The following KHDRBS2 variants were observed in gnomAD, a reference collection of about 807,000 sequenced individuals.
The protein encoded by KHDRBS2 is KH RNA binding domain containing, signal transduction associated 2, also known as KH domain-containing, RNA-binding, signal transduction-associated protein 2.
In KHDRBS2, 26 loss-of-function variants were observed where a neutral mutation model predicts 44.3. The ratio of observed to expected loss-of-function variants is 0.59; its 90% CI spans 0.43 to 0.81. The LOEUF (loss-of-function observed/expected upper bound fraction) is 0.81, where lower values mean the gene tolerates loss of function less well. Ranked by LOEUF, KHDRBS2 falls within the 40% of genes least tolerant of loss-of-function variation. The probability of loss-of-function intolerance (pLI) is 0.00; values close to 1 mark genes in which losing one functional copy is unlikely to be tolerated. For synonymous variants in KHDRBS2, 194 were observed against 151.1 expected (o/e 1.28, Z -2.08); for missense variants, 476 against 433.1 (o/e 1.10, Z -0.88).
chr6:61,852,048 C>T (rs1454934252), intron 6 of KHDRBS2, among the ~76,000 whole-genome samples: 4 of 151,870 alleles, frequency 2.6e-5, no homozygotes, highest in African/African-American at 4.8e-5. Context: ...ATGGTGAAAC[C>T]GCATCTCTAC....
intron 2 of KHDRBS2, among the ~76,000 whole-genome samples, chr6:62,147,845 A>G (rs1224986231): frequency 3.3e-5 from 5 of 151,974 alleles, no homozygotes; most frequent in African/African-American, 1.2e-4. Context: ...TGAGAAGATC[A>G]GATAGCCTAT....
At chr6:62,085,434 T>C (rs1382628980) in intron 2 of KHDRBS2, among the ~76,000 whole-genome samples, 3 of 151,822 alleles carry the variant, frequency 2.0e-5, no homozygotes, top group African/African-American at 7.3e-5. Flanking sequence ...CTGAGAAGAA[T>C]AGGAAAGATT....
intron 6 of KHDRBS2, among the ~76,000 whole-genome samples, chr6:61,853,096 T>C: frequency 6.6e-6 from 1 of 152,188 alleles, no homozygotes; most frequent in East Asian, 1.9e-4. Flanking sequence ...GATTCTTTTG[T>C]CTTTGGCCTT....
At chr6:61,688,860 C>T (rs1046680067) in intron 8 of KHDRBS2, among the ~76,000 whole-genome samples, 7 of 151,816 alleles carry the variant, frequency 4.6e-5, no homozygotes, top group African/African-American at 1.7e-4. Context: ...CCTAAAATTT[C>T]CCAAGTGATT....
intron 1 of KHDRBS2, among the ~76,000 whole-genome samples, chr6:62,199,239 G>A (rs1019900039): frequency 6.6e-6 from 1 of 152,072 alleles, no homozygotes; most frequent in African/African-American, 2.4e-5. Flanking sequence ...TCTGGCCAGG[G>A]CAATCAGGCA....
In KHDRBS2 at chr6:62,251,143, A is replaced by G. The variant is rs142385867; in HGVS notation, c.91+34715T>C. Among the ~76,000 whole-genome samples the G allele has an allele frequency of 2.5e-3, 385 of 152,060 alleles. 3 individuals are homozygous for G. The highest frequency in any genetic ancestry group is 8.5e-3 in the African/African-American group (352 of 41,542). On this transcript the variant is annotated intron_variant, in intron 1 of 8. Transcript: ENST00000281156. ...CAAAGAATCATGATGTATATAACTT[A>G]TAAGTTATATTGAATATCTTGAATA...
intron 1 of KHDRBS2, among the ~76,000 whole-genome samples, chr6:62,182,295 C>T (rs1194671986): frequency 4.0e-5 from 6 of 151,812 alleles, no homozygotes; most frequent in Non-Finnish European, 8.8e-5. Context: ...ATGGTGATGA[C>T]GGGGACTGAG....
chr6:61,626,910 C>T, the KHDRBS2 span, among the ~76,000 whole-genome samples: 2 of 151,948 alleles, frequency 1.3e-5, no homozygotes, highest in African/African-American at 2.4e-5. Context: ...CTGGAGTTTC[C>T]ACCTGAAAGA....
intron 6 of KHDRBS2, among the ~76,000 whole-genome samples, chr6:61,878,096 C>T (rs756501561): frequency 6.6e-6 from 1 of 151,856 alleles, no homozygotes; most frequent in Non-Finnish European, 1.5e-5. Context: ...CATAGTGTTT[C>T]CCATAGTTCC....
At chr6:62,091,836 A>G (rs572641128) in intron 2 of KHDRBS2, among the ~76,000 whole-genome samples, 16 of 152,296 alleles carry the variant, frequency 1.1e-4, no homozygotes, top group African/African-American at 3.8e-4. Context: ...CACGGTTGAT[A>G]GTAACACTAT....
intron 1 of KHDRBS2, among the ~76,000 whole-genome samples, chr6:62,231,985 G>T (rs927528186): frequency 6.6e-6 from 1 of 151,916 alleles, no homozygotes; most frequent in Admixed American, 6.6e-5. Context: ...GGGTTTCCTG[G>T]TTTAATATGT....
intron 2 of KHDRBS2, among the ~76,000 whole-genome samples, chr6:62,108,132 G>T (rs1284476964): frequency 1.3e-5 from 2 of 152,082 alleles, no homozygotes; most frequent in Non-Finnish European, 2.9e-5. Context: ...CACAGCAAAA[G>T]AAACTACCAT....
chr6:62,253,020 A>G (rs983577744), intron 1 of KHDRBS2, among the ~76,000 whole-genome samples: 6 of 152,024 alleles, frequency 3.9e-5, no homozygotes, highest in African/African-American at 1.4e-4. Flanking sequence ...TCAGAGTGTA[A>G]CACTGGGTGG....
chr6:61,772,979 T>C (rs1781237502), intron 6 of KHDRBS2, among the ~76,000 whole-genome samples: 1 of 152,226 alleles, frequency 6.6e-6, no homozygotes, highest in Non-Finnish European at 1.5e-5. Flanking sequence ...CTCATCATTT[T>C]TTATGTCTGC....
intron 7 of KHDRBS2, among the ~76,000 whole-genome samples, chr6:61,719,536 A>G (rs1772012527): frequency 6.6e-6 from 1 of 152,130 alleles, no homozygotes; most frequent in East Asian, 1.9e-4. Flanking sequence ...TAATCCCAGG[A>G]TGTAACTTGC....
At chr6:61,811,524 C>T (rs1788117817) in intron 6 of KHDRBS2, among the ~76,000 whole-genome samples, 1 of 152,094 alleles carries the variant, frequency 6.6e-6, no homozygotes, top group South Asian at 2.1e-4. Flanking sequence ...GAGAAAATTC[C>T]AAACTGCTTT....
intron 3 of KHDRBS2, among the ~76,000 whole-genome samples, chr6:62,030,096 C>CA (rs1784072034): frequency 6.6e-6 from 1 of 151,868 alleles, no homozygotes; most frequent in Non-Finnish European, 1.5e-5. Context: ...CTGGAACAGC[C>CA]ACAAGAGATT....
chr6:62,010,634 C>T (rs183881814), intron 3 of KHDRBS2, among the ~76,000 whole-genome samples: 84 of 152,102 alleles, frequency 5.5e-4, no homozygotes, highest in African/African-American at 2.0e-3. Context: ...TGGGTCTTTC[C>T]CAGGCTGTTC....
At chr6:61,820,525 TAGTC>T (rs1264340432) in intron 6 of KHDRBS2, among the ~76,000 whole-genome samples, 1 of 152,000 alleles carries the variant, frequency 6.6e-6, no homozygotes, top group Non-Finnish European at 1.5e-5. Flanking sequence ...TTTAAGCAGT[TAGTC>T]AGATTAACAA....
Sources: gnomAD v4.1 joint callset for allele counts (sites outside exome capture counted in the v4.1 genomes callset) on GRCh38, gnomAD v4.1.1 for gene constraint, MANE v1.5 for transcripts, NCBI Gene and HGNC (gene_info 2026-07-23, HGNC 2026-07-21) for gene names.